The following GRIN3A variants were observed in gnomAD, a reference collection of about 807,000 sequenced individuals.
GRIN3A encodes glutamate ionotropic receptor NMDA type subunit 3A, also known as glutamate receptor ionotropic, NMDA 3A.
A neutral mutation model predicts 92.4 loss-of-function variants in GRIN3A; 47 were observed. That is an observed-to-expected ratio of 0.51 (90% CI 0.40 to 0.65). The LOEUF (loss-of-function observed/expected upper bound fraction) is 0.65. GRIN3A is among the 30% of genes least tolerant of loss of function. GRIN3A has a pLI of 0.00. For synonymous variants in GRIN3A, 527 were observed against 540.6 expected (o/e 0.97, Z 0.35); for missense variants, 1,324 against 1,393.1 (o/e 0.95, Z 0.79).
chr9:101,643,174 A>G (rs1357714456), intron 3 of GRIN3A, among the ~76,000 whole-genome samples: 1 of 152,104 alleles, frequency 6.6e-6, no homozygotes, highest in Non-Finnish European at 1.5e-5. Flanking sequence ...AATATATTAG[A>G]AACTCATTCA....
At chr9:101,710,681 A>T (rs113647492) in intron 1 of GRIN3A, among the ~76,000 whole-genome samples, 24 of 152,344 alleles carry the variant, frequency 1.6e-4, no homozygotes, top group African/African-American at 5.8e-4. Context: ...TCTGGTGATG[A>T]GGTATCCCAG....
intron 8 of GRIN3A, among the ~76,000 whole-genome samples, chr9:101,575,667 A>C (rs537919972): frequency 1.1e-4 from 16 of 152,318 alleles, no homozygotes; most frequent in African/African-American, 3.6e-4. Flanking sequence ...CCATGTTAAT[A>C]ATTCATTCAT....
At chr9:101,594,857 C>T (rs751096597) in intron 6 of GRIN3A, 1 of 1,604,914 alleles carries the variant, frequency 6.2e-7, no homozygotes, top group Non-Finnish European at 8.5e-7. Flanking sequence ...CCTGCCCAGC[C>T]TTTTAATTTC....
chr9:101,657,998 G>A (rs1209094513), intron 3 of GRIN3A, among the ~76,000 whole-genome samples: 1 of 151,968 alleles, frequency 6.6e-6, no homozygotes, highest in Non-Finnish European at 1.5e-5. Flanking sequence ...GGTATGAGCA[G>A]CTTTTGCAGC....
Position 101,738,551 on chromosome 9 carries a change from T to C in GRIN3A, c.-572A>G, listed in dbSNP as rs1366324897. On this transcript the variant is annotated 5_prime_UTR_variant, in exon 1 of 9. Coordinates refer to ENST00000361820, the MANE Select transcript of GRIN3A (RefSeq NM_133445.3). ...CAGGCTCCCCCAGCGCCGACTTCATTTTCTCTCTTCTCTCGCTACTTCCTC... is the reference window on the plus strand; with the variant it reads ...CAGGCTCCCCCAGCGCCGACTTCATCTTCTCTCTTCTCTCGCTACTTCCTC... 2.6e-5 allele frequency: 4 copies of C among 156,378 alleles called. No homozygotes were observed. The highest frequency in any genetic ancestry group is 5.6e-5 in the Non-Finnish European group (4 of 71,306). The allele number at this position is 156,378 out of a possible 1,614,324, so 9.7% of individuals were successfully genotyped here.
chr9:101,730,693 A>C (rs756973602), intron 1 of GRIN3A, among the ~76,000 whole-genome samples: 13 of 152,232 alleles, frequency 8.5e-5, no homozygotes, highest in South Asian at 8.3e-4. Flanking sequence ...CTCACAAAGT[A>C]ACTGTGAGGA....
Position 101,722,714 on chromosome 9 carries a change from G to A in GRIN3A, c.699+14567C>T, listed in dbSNP as rs558737040. Among the ~76,000 whole-genome samples the A allele has an allele frequency of 1.3e-4, 20 of 152,262 alleles. No individual in the cohort carries two copies. The East Asian group carries it at 3.7e-3, about 28-fold the overall frequency. On this transcript the variant is annotated intron_variant, in intron 1 of 8. Transcript: ENST00000361820. ...CCTGCTGGATTTTGGACTTGCATAG[G>A]CCCTGTAACCCCTTTGTTTTGGACA...
At chr9:101,654,564 C>T (rs187917153) in intron 3 of GRIN3A, among the ~76,000 whole-genome samples, 60 of 151,742 alleles carry the variant, frequency 4.0e-4, no homozygotes, top group South Asian at 8.3e-4. Context: ...ACAGCTCTTC[C>T]TATCATTCAG....
intron 6 of GRIN3A, among the ~76,000 whole-genome samples, chr9:101,606,844 C>T (rs1828289702): frequency 6.6e-6 from 1 of 151,048 alleles, no homozygotes; most frequent in Non-Finnish European, 1.5e-5. Context: ...TGCAAATAAC[C>T]GATGTCACAA....
intron 1 of GRIN3A, among the ~76,000 whole-genome samples, chr9:101,695,349 G>A (rs75959728): frequency 6.6e-6 from 1 of 152,004 alleles, no homozygotes; most frequent in African/African-American, 2.4e-5. Context: ...TAAAATCTAG[G>A]GGGCAGTATT....
At chr9:101,609,897 C>A (rs1480226920) in intron 6 of GRIN3A, among the ~76,000 whole-genome samples, 1 of 152,190 alleles carries the variant, frequency 6.6e-6, no homozygotes, top group East Asian at 1.9e-4. Flanking sequence ...TAGAGTCACA[C>A]TGCATTTCCC....
chr9:101,617,034 A>G (rs13290320), intron 5 of GRIN3A, among the ~76,000 whole-genome samples: 1 of 150,768 alleles, frequency 6.6e-6, no homozygotes, highest in Non-Finnish European at 1.5e-5. Context: ...CCCCGTCTCT[A>G]CTAAAAATAC....
At chr9:101,580,999 A>G (rs578220089) in intron 6 of GRIN3A, among the ~76,000 whole-genome samples, 1 of 152,352 alleles carries the variant, frequency 6.6e-6, no homozygotes, top group Non-Finnish European at 1.5e-5. Flanking sequence ...CATCAATGAC[A>G]AGAGTCAATC....
Position 101,573,480 on chromosome 9 carries a change from C to G in GRIN3A, c.3042G>C (p.Trp1014Cys), listed in dbSNP as rs770713126. The G allele has an allele frequency of 1.1e-5, 17 of 1,613,852 alleles. No homozygotes were observed. The highest frequency in any genetic ancestry group is 1.4e-5 in the Non-Finnish European group (17 of 1,179,934). ...SNVGPRQLTV[W>C]NTSNLSHDNR... ...TGTCATGACTCAGATTGGAAGTATT[C>G]CATACGGTAAGCTGACGGGGTCCCA... The change falls in exon 9 of 9, where the codon TGG becomes TGC. Residue 1014 changes from tryptophan (W) to cysteine (C), a missense_variant. By Grantham distance (215) the Trp-to-Cys change is radical. Coordinates refer to ENST00000361820, the MANE Select transcript of GRIN3A (RefSeq NM_133445.3).
intron 5 of GRIN3A, among the ~76,000 whole-genome samples, chr9:101,615,948 G>A (rs1448281674): frequency 2.6e-5 from 4 of 152,074 alleles, no homozygotes; most frequent in Non-Finnish European, 4.4e-5. Flanking sequence ...TTCTTATATG[G>A]CCCAGTTCTC....
At chr9:101,610,619 A>ATCTGTCTATCTATG (rs1554717174) in intron 6 of GRIN3A, among the ~76,000 whole-genome samples, 1 of 150,508 alleles carries the variant, frequency 6.6e-6, no homozygotes, top group Non-Finnish European at 1.5e-5. Flanking sequence ...CTATCTATCT[A>ATCTGTCTATCTATG]TCTATCATCT....
At chr9:101,663,783 T>C (rs1383579093) in intron 3 of GRIN3A, among the ~76,000 whole-genome samples, 1 of 151,822 alleles carries the variant, frequency 6.6e-6, no homozygotes, top group South Asian at 2.1e-4. Flanking sequence ...CAGGACTGTG[T>C]TTCTAAAACA....
intron 4 of GRIN3A, among the ~76,000 whole-genome samples, chr9:101,626,156 T>C (rs1828631888): frequency 6.6e-6 from 1 of 152,202 alleles, no homozygotes; most frequent in Non-Finnish European, 1.5e-5. Flanking sequence ...GGGCCCCCAA[T>C]GGTTATTTCT....
At position 101,692,180 on chromosome 9, in the gene GRIN3A, C is replaced by T. The variant is rs10122077; in HGVS notation, c.700-4980G>A. Among the ~76,000 whole-genome samples, 1,358 of 152,234 alleles carry T rather than the reference C, an allele frequency of 8.9e-3. 22 individuals carry two copies. Among genetic ancestry groups the T allele is most frequent in the African/African-American group, 0.031 (1,289 of 41,548 alleles). On this transcript the variant is annotated intron_variant, in intron 1 of 8. Coordinates refer to ENST00000361820, the MANE Select transcript of GRIN3A (RefSeq NM_133445.3). The stretch of plus-strand genomic sequence containing the variant: ...AGATATCTTTTACAAACATAAATTA[C>T]ACCAACTTCTCAGCAGGAAAACAGA...
Sources: gnomAD v4.1 joint callset for allele counts (sites outside exome capture counted in the v4.1 genomes callset) on GRCh38, gnomAD v4.1.1 for gene constraint, MANE v1.5 for transcripts, NCBI Gene and HGNC (gene_info 2026-07-23, HGNC 2026-07-21) for gene names.